CDK14: variants seen among roughly 807,000 people sequenced by gnomAD.
CDK14 encodes cyclin-dependent kinase 14.
CDK14 carries 34 observed loss-of-function variants against 60.7 expected under a neutral mutation model. The observed-to-expected ratio is 0.56, with a 90% CI of 0.43 to 0.75. The LOEUF (loss-of-function observed/expected upper bound fraction) is 0.75. Among genes scored for constraint, CDK14 ranks in the 30% least tolerant of loss-of-function variants. CDK14 has a pLI of 0.00. For synonymous variants in CDK14, 197 were observed against 203.7 expected (o/e 0.97, Z 0.28); for missense variants, 482 against 564.1 (o/e 0.85, Z 1.47).
intron 12 of CDK14, among the ~76,000 whole-genome samples, chr7:91,081,795 C>A (rs1798489912): frequency 6.6e-6 from 1 of 151,414 alleles, no homozygotes; most frequent in South Asian, 2.1e-4. Flanking sequence ...TCTGGGAAAA[C>A]AAAGCAGCAA....
At chr7:91,164,810 C>A (rs138472277) in intron 14 of CDK14, among the ~76,000 whole-genome samples, 8 of 152,198 alleles carry the variant, frequency 5.3e-5, no homozygotes, top group Non-Finnish European at 1.2e-4. Flanking sequence ...TGAACACAAA[C>A]TGTGACGTAC....
intron 9 of CDK14, among the ~76,000 whole-genome samples, chr7:90,962,212 C>T (rs1794622286): frequency 6.6e-6 from 1 of 152,034 alleles, no homozygotes; most frequent in Non-Finnish European, 1.5e-5. Context: ...TGGGGCTGGG[C>T]ATGGTGGCTC....
intron 14 of CDK14, among the ~76,000 whole-genome samples, chr7:91,185,560 G>GTCATTATTACATTCATAAGCA (rs1802150860): frequency 6.6e-6 from 1 of 151,608 alleles, no homozygotes; most frequent in Non-Finnish European, 1.5e-5. Context: ...TGTCATTGCC[G>GTCATTATTACATTCATAAGCA]TCATTATTAC....
intron 5 of CDK14, among the ~76,000 whole-genome samples, chr7:90,836,699 T>C (rs909872073): frequency 3.9e-5 from 6 of 152,236 alleles, no homozygotes; most frequent in Admixed American, 2.6e-4. Context: ...ATTATTGTTC[T>C]GTACATAATT....
At chr7:90,780,040 T>A (rs1805242743) in intron 4 of CDK14, among the ~76,000 whole-genome samples, 1 of 152,206 alleles carries the variant, frequency 6.6e-6, no homozygotes, top group Non-Finnish European at 1.5e-5. Context: ...TTCCTTATTG[T>A]TTCCTAATGG....
At chr7:90,659,664 T>C (rs1022556509) in intron 2 of CDK14, among the ~76,000 whole-genome samples, 3 of 152,200 alleles carry the variant, frequency 2.0e-5, no homozygotes, top group Admixed American at 6.6e-5. Flanking sequence ...TCTTTTGATA[T>C]TCTCCTGATT....
chr7:90,748,571 A>G (rs1803688795), intron 4 of CDK14, among the ~76,000 whole-genome samples: 1 of 152,194 alleles, frequency 6.6e-6, no homozygotes, highest in East Asian at 1.9e-4. Flanking sequence ...TCTTTTCAAA[A>G]TCTTTATAGA....
chr7:91,062,580 T>C lies in CDK14; in HGVS notation c.1105+16620T>C, dbSNP rs548259016. Among the ~76,000 whole-genome samples the C allele has an allele frequency of 1.5e-4, 23 of 152,216 alleles. 1 individual carries two copies. The South Asian group carries it at 3.9e-3, about 26-fold the overall frequency. On this transcript the variant is annotated intron_variant, in intron 11 of 14. Transcript: ENST00000380050. ...TTTGAAAATTCTTAGAAACACAGAA[T>C]AATGGCAAAAATTTTAAGTGTCACA... is the stretch of plus-strand genomic sequence containing the variant.
intron 2 of CDK14, among the ~76,000 whole-genome samples, chr7:90,642,533 T>TA (rs1227238689): frequency 7.9e-5 from 12 of 152,176 alleles, no homozygotes; most frequent in African/African-American, 2.9e-4. Context: ...AGTTTTTTTT[T>TA]AATTAAATTT....
chr7:91,139,219 T>G (rs1030064259), intron 14 of CDK14, among the ~76,000 whole-genome samples: 1 of 152,182 alleles, frequency 6.6e-6, no homozygotes, highest in Non-Finnish European at 1.5e-5. Flanking sequence ...TGCAGTGTTT[T>G]TTTAACTCCT....
intron 10 of CDK14, among the ~76,000 whole-genome samples, chr7:91,031,325 C>T (rs1475201119): frequency 1.3e-5 from 2 of 151,922 alleles, no homozygotes; most frequent in Non-Finnish European, 2.9e-5. Context: ...AATGCAAATG[C>T]TCATCAGTAG....
intron 13 of CDK14, among the ~76,000 whole-genome samples, chr7:91,116,082 CA>C (rs749163175): frequency 1.3e-5 from 2 of 152,136 alleles, no homozygotes; most frequent in Admixed American, 6.6e-5. Flanking sequence ...GATTTAATTG[CA>C]GGGAAGTAAA....
chr7:90,774,922 A>G (rs1043420442), intron 4 of CDK14, among the ~76,000 whole-genome samples: 2 of 152,154 alleles, frequency 1.3e-5, no homozygotes, highest in African/African-American at 4.8e-5. Flanking sequence ...CGACATGCAA[A>G]ATCTCTAGTT....
At chr7:90,735,470 C>G (rs1298977503) in intron 3 of CDK14, among the ~76,000 whole-genome samples, 2 of 152,224 alleles carry the variant, frequency 1.3e-5, no homozygotes, top group African/African-American at 2.4e-5. Flanking sequence ...CTCTAAGTCC[C>G]TGACTTGGGG....
chr7:90,627,031 A>G (rs922211009), intron 2 of CDK14, among the ~76,000 whole-genome samples: 6 of 152,202 alleles, frequency 3.9e-5, no homozygotes, highest in Admixed American at 1.3e-4. Flanking sequence ...TACTTTTATT[A>G]TACTTGAAAA....
intron 14 of CDK14, among the ~76,000 whole-genome samples, chr7:91,172,925 C>T (rs576854358): frequency 6.6e-6 from 1 of 152,242 alleles, no homozygotes; most frequent in African/African-American, 2.4e-5. Flanking sequence ...TGTTTCACAT[C>T]CCATTCCTGT....
At chr7:90,690,423 A>G (rs1801530427) in intron 2 of CDK14, among the ~76,000 whole-genome samples, 2 of 152,152 alleles carry the variant, frequency 1.3e-5, no homozygotes, top group Non-Finnish European at 2.9e-5. Context: ...TCCTCAAGGG[A>G]TTCTTGTACA....
At chr7:90,839,629 A>G (rs1790223681) in intron 5 of CDK14, among the ~76,000 whole-genome samples, 3 of 152,346 alleles carry the variant, frequency 2.0e-5, no homozygotes, top group Middle Eastern at 3.4e-3. Context: ...ATTACATGTA[A>G]GAAACAAATA....
At chr7:91,042,401 C>T (rs1266147228) in intron 10 of CDK14, among the ~76,000 whole-genome samples, 1 of 152,148 alleles carries the variant, frequency 6.6e-6, no homozygotes, top group Non-Finnish European at 1.5e-5. Flanking sequence ...GCTCTGACCT[C>T]ACTCTCCCAT....
Sources: allele counts gnomAD v4.1 joint callset (sites outside exome capture counted in the v4.1 genomes callset), GRCh38; gene constraint gnomAD v4.1.1; transcripts MANE v1.5; gene names NCBI Gene and HGNC (gene_info 2026-07-23, HGNC 2026-07-21).